The following GLCCI1 variants were observed in gnomAD, a reference collection of about 807,000 sequenced individuals.
The protein encoded by GLCCI1 is glucocorticoid induced 1, also known as glucocorticoid-induced transcript 1 protein.
In GLCCI1, 24 loss-of-function variants were observed where a neutral mutation model predicts 52.2. The ratio of observed to expected loss-of-function variants is 0.46; its 90% CI spans 0.33 to 0.65. The LOEUF (loss-of-function observed/expected upper bound fraction) is 0.65. Among genes scored for constraint, GLCCI1 ranks in the 30% least tolerant of loss-of-function variants. The pLI, the probability that GLCCI1 is intolerant of heterozygous loss-of-function variation, is 0.02. For missense variants in GLCCI1, 704 were observed against 701.5 expected, an observed-to-expected ratio of 1.00 and a Z score of -0.04; for synonymous variants, 310 against 276.5, an observed-to-expected ratio of 1.12 and a Z score of -1.20.
intron 3 of GLCCI1, among the ~76,000 whole-genome samples, chr7:8,053,841 A>G (rs1259000058): frequency 6.6e-6 from 1 of 152,160 alleles, no homozygotes; most frequent in African/African-American, 2.4e-5. Context: ...TGTCTTTGGA[A>G]TTCACAGTAC....
intron 2 of GLCCI1, among the ~76,000 whole-genome samples, chr7:8,006,780 G>T (rs559626105): frequency 2.7e-4 from 41 of 149,640 alleles, no homozygotes; most frequent in African/African-American, 9.9e-4. Flanking sequence ...CATGGGGCAG[G>T]CCCACCAGGC....
intron 5 of GLCCI1, among the ~76,000 whole-genome samples, chr7:8,069,161 G>T (rs1036460378): frequency 6.6e-6 from 1 of 152,186 alleles, no homozygotes; most frequent in African/African-American, 2.4e-5. Context: ...AGGCAGCAGG[G>T]GAAGGGACCT....
intron 3 of GLCCI1, among the ~76,000 whole-genome samples, chr7:8,034,896 TG>T (rs1197751310): frequency 3.9e-5 from 6 of 152,252 alleles, no homozygotes; most frequent in Non-Finnish European, 8.8e-5. Flanking sequence ...GGTGGTGATT[TG>T]GGGACTTACT....
intron 2 of GLCCI1, among the ~76,000 whole-genome samples, chr7:8,006,761 A>G (rs1010627847): frequency 6.6e-6 from 1 of 152,232 alleles, no homozygotes; most frequent in Non-Finnish European, 1.5e-5. Context: ...ACATGCCGGT[A>G]TATGTCCACA....
At chr7:7,987,100 A>G (rs1176906448) in intron 1 of GLCCI1, among the ~76,000 whole-genome samples, 1 of 152,212 alleles carries the variant, frequency 6.6e-6, no homozygotes, top group Non-Finnish European at 1.5e-5. Flanking sequence ...AAACCCCACA[A>G]AAACTGATTT....
intron 2 of GLCCI1, among the ~76,000 whole-genome samples, chr7:8,020,389 G>T (rs948271125): frequency 6.6e-6 from 1 of 152,048 alleles, no homozygotes; most frequent in East Asian, 1.9e-4. Context: ...TTCTTTTGTA[G>T]GTAATTCTTT....
At chr7:8,075,574 C>T (rs755748865) in intron 6 of GLCCI1, among the ~76,000 whole-genome samples, 4 of 152,228 alleles carry the variant, frequency 2.6e-5, no homozygotes, top group African/African-American at 4.8e-5. Flanking sequence ...GCAGCTCTGC[C>T]AGCGTTGCTT....
chr7:7,980,392 C>T, intron 1 of GLCCI1: 1 of 214,984 alleles, frequency 4.7e-6, no homozygotes, highest in Non-Finnish European at 9.1e-6. Context: ...CAACTGTGAA[C>T]TTTTTGAGAG....
chr7:7,999,503 G>T (rs1781009784), intron 1 of GLCCI1, among the ~76,000 whole-genome samples: 1 of 152,112 alleles, frequency 6.6e-6, no homozygotes, highest in South Asian at 2.1e-4. Context: ...AACTACTGTA[G>T]AGCTGACGTG....
intron 3 of GLCCI1, among the ~76,000 whole-genome samples, chr7:8,055,127 A>G (rs990065333): frequency 6.6e-6 from 1 of 152,150 alleles, no homozygotes; most frequent in Non-Finnish European, 1.5e-5. Context: ...CATCTTATAA[A>G]AGGTTTTCAA....
intron 1 of GLCCI1, among the ~76,000 whole-genome samples, chr7:7,987,384 C>A (rs1780756113): frequency 6.6e-6 from 1 of 152,174 alleles, no homozygotes; most frequent in Non-Finnish European, 1.5e-5. Flanking sequence ...ATATTCAAAG[C>A]ACTGTATTTA....
At chr7:7,975,133 G>A (rs1780438039) in intron 1 of GLCCI1, among the ~76,000 whole-genome samples, 1 of 152,138 alleles carries the variant, frequency 6.6e-6, no homozygotes, top group Non-Finnish European at 1.5e-5. Context: ...GTGACCATAA[G>A]TTGACTCATC....
intron 3 of GLCCI1, among the ~76,000 whole-genome samples, chr7:8,046,254 C>T (rs1278462270): frequency 6.6e-6 from 1 of 152,154 alleles, no homozygotes; most frequent in Non-Finnish European, 1.5e-5. Context: ...AGAGAAGAGA[C>T]ATGGAAGATA....
intron 6 of GLCCI1, among the ~76,000 whole-genome samples, chr7:8,076,280 T>C (rs1461310100): frequency 1.3e-5 from 2 of 152,228 alleles, no homozygotes; most frequent in East Asian, 3.8e-4. Flanking sequence ...AAATCACTGC[T>C]TTTGAATCTG....
chr7:8,084,615 A>T, intron 6 of GLCCI1: 1 of 268,090 alleles, frequency 3.7e-6, no homozygotes, highest in Non-Finnish European at 7.1e-6. Context: ...GTAATAAATA[A>T]CATATTTGTT....
Position 7,982,857 on chromosome 7 carries a change from T to A in GLCCI1, c.457+13050T>A, listed in dbSNP as rs147505401. On this transcript the variant is annotated intron_variant, in intron 1 of 7. Transcript: ENST00000223145. ...TTTTATTTAGTTTTGTTTTTGCTGCTGAAACTGCTGCTGTGAACATTGTCT... is the reference window on the plus strand; with the variant it reads ...TTTTATTTAGTTTTGTTTTTGCTGCAGAAACTGCTGCTGTGAACATTGTCT... 4.6e-5 allele frequency among the ~76,000 whole-genome samples: 7 copies of A among 152,300 alleles called. No homozygotes were observed. The East Asian group carries it at 1.3e-3, about 29-fold the overall frequency.
At chr7:7,980,614 C>G in intron 1 of GLCCI1, 1 of 772,298 alleles carries the variant, frequency 1.3e-6, no homozygotes, top group East Asian at 2.5e-5. Context: ...GTATGGTGAT[C>G]AAGCAAGCTT....
At chr7:7,972,935 C>T (rs1214626814) in intron 1 of GLCCI1, among the ~76,000 whole-genome samples, 2 of 152,118 alleles carry the variant, frequency 1.3e-5, no homozygotes, top group Non-Finnish European at 2.9e-5. Context: ...TGTTTGTGCT[C>T]ATGCATCATC....
At position 8,022,568 on chromosome 7, in the gene GLCCI1, A is replaced by G. The variant is rs779334835; in HGVS notation, c.695A>G (p.Glu232Gly). Residue 232 changes from glutamate (E) to glycine (G), a missense_variant and splice_region_variant, in exon 3 of 8, where the codon GAG (glutamate) becomes GGG (glycine). Physicochemically the swap from Glu to Gly is moderately conservative, Grantham distance 98. Transcript: ENST00000223145. Reference protein sequence around the residue: ...ASWGSADQLKEQIAKLRQQLQ... With the variant: ...ASWGSADQLKGQIAKLRQQLQ... ...TGGGGGAGTGCTGATCAACTAAAAG[A>G]GGTAAGTTATTTCTGTTTTCCGTCT... 7 of 1,555,826 alleles carry G rather than the reference A, an allele frequency of 4.5e-6. No homozygotes were observed. Among genetic ancestry groups the G allele is most frequent in the Non-Finnish European group, 6.1e-6 (7 of 1,149,784 alleles).
Sources: gnomAD v4.1 joint callset for allele counts (sites outside exome capture counted in the v4.1 genomes callset) on GRCh38, gnomAD v4.1.1 for gene constraint, MANE v1.5 for transcripts, NCBI Gene and HGNC (gene_info 2026-07-23, HGNC 2026-07-21) for gene names.